The following ADAM12 variants were observed in gnomAD, a reference collection of about 807,000 sequenced individuals.
ADAM12 encodes ADAM metallopeptidase domain 12, also known as disintegrin and metalloproteinase domain-containing protein 12.
In ADAM12, 70 loss-of-function variants were observed where a neutral mutation model predicts 106.4. The observed-to-expected ratio is 0.66, with a 90% CI of 0.54 to 0.80. The LOEUF (loss-of-function observed/expected upper bound fraction) is 0.80, where lower values mean the gene tolerates loss of function less well. Among genes scored for constraint, ADAM12 ranks in the 30% least tolerant of loss-of-function variants. ADAM12 has a pLI of 0.00. For missense variants in ADAM12, 1,010 were observed against 1,171.9 expected (o/e 0.86, Z 2.02); for synonymous variants, 420 against 433.5 (o/e 0.97, Z 0.39).
intron 10 of ADAM12, among the ~76,000 whole-genome samples, chr10:126,096,978 G>A (rs1955569393): frequency 1.3e-5 from 2 of 152,046 alleles, no homozygotes; most frequent in Admixed American, 6.6e-5. Flanking sequence ...TCAAATGCTT[G>A]TATGGAAATG....
At chr10:126,206,854 T>TGGGGG (rs145374984) in intron 3 of ADAM12, among the ~76,000 whole-genome samples, 10 of 81,804 alleles carry the variant, frequency 1.2e-4, no homozygotes, top group East Asian at 6.4e-4. Flanking sequence ...CCATGTGTTG[T>TGGGGG]GGGGGCGGGG....
At chr10:126,018,166 G>A (rs528093683) in intron 22 of ADAM12, among the ~76,000 whole-genome samples, 1 of 152,354 alleles carries the variant, frequency 6.6e-6, no homozygotes, top group East Asian at 1.9e-4. Context: ...AATCACTCCA[G>A]TGTGTCTTCT....
intron 2 of ADAM12, among the ~76,000 whole-genome samples, chr10:126,309,442 A>C (rs1282054233): frequency 6.6e-6 from 1 of 152,232 alleles, no homozygotes; most frequent in East Asian, 1.9e-4. Context: ...TGTAAACAGA[A>C]AACAAATTCC....
At chr10:126,368,665 T>TG (rs1375182432) in intron 1 of ADAM12, among the ~76,000 whole-genome samples, 4 of 147,718 alleles carry the variant, frequency 2.7e-5, no homozygotes, top group Admixed American at 6.8e-5. Context: ...TGTTGTTTTT[T>TG]TTTGCCTTTG....
At chr10:126,252,666 G>C (rs1265618362) in intron 3 of ADAM12, among the ~76,000 whole-genome samples, 1 of 152,072 alleles carries the variant, frequency 6.6e-6, no homozygotes, top group Non-Finnish European at 1.5e-5. Flanking sequence ...ACCCACATTG[G>C]GTTACGGGGG....
intron 11 of ADAM12, among the ~76,000 whole-genome samples, chr10:126,076,539 C>T (rs1360085236): frequency 1.3e-5 from 2 of 152,172 alleles, no homozygotes; most frequent in Non-Finnish European, 2.9e-5. Flanking sequence ...TTATTTCTGA[C>T]TTTTTAATAA....
intron 11 of ADAM12, among the ~76,000 whole-genome samples, chr10:126,083,696 C>A (rs139688763): frequency 1.3e-5 from 2 of 152,196 alleles, no homozygotes; most frequent in African/African-American, 4.8e-5. Flanking sequence ...CCTGTTGAGA[C>A]CCTAATGAGC....
chr10:126,362,352 T>C (rs925450605), intron 1 of ADAM12, among the ~76,000 whole-genome samples: 4 of 152,138 alleles, frequency 2.6e-5, no homozygotes, highest in South Asian at 2.1e-4. Flanking sequence ...TGTAAATTAG[T>C]ATGATGATTA....
intron 3 of ADAM12, among the ~76,000 whole-genome samples, chr10:126,253,436 G>C (rs2279753): frequency 0.072 from 11,023 of 152,214 alleles, 511 homozygotes; most frequent in East Asian, 0.13. Flanking sequence ...TCATTCTCTT[G>C]TTCTCCAGAG....
At chr10:126,054,418 C>T (rs74158098) in intron 14 of ADAM12, among the ~76,000 whole-genome samples, 2,678 of 152,336 alleles carry the variant, frequency 0.018, 81 homozygotes, top group African/African-American at 0.059. Context: ...ACCTGCTCTG[C>T]GACATCCAAA....
chr10:126,242,208 A>G (rs536400054), intron 3 of ADAM12, among the ~76,000 whole-genome samples: 95 of 152,318 alleles, frequency 6.2e-4, no homozygotes, highest in African/African-American at 2.0e-3. Flanking sequence ...TTGGCAGCAG[A>G]TCCTAACACT....
At chr10:126,057,359 G>A (rs1344608083) in intron 14 of ADAM12, among the ~76,000 whole-genome samples, 1 of 131,872 alleles carries the variant, frequency 7.6e-6, no homozygotes, top group Non-Finnish European at 1.6e-5. Flanking sequence ...AAAACTTAGA[G>A]TATAATAAAA....
At chr10:126,211,349 G>A (rs970566616) in intron 3 of ADAM12, among the ~76,000 whole-genome samples, 3 of 152,212 alleles carry the variant, frequency 2.0e-5, no homozygotes, top group African/African-American at 7.2e-5. Flanking sequence ...TCAGCAATTG[G>A]TCCTCAAGAG....
chr10:126,376,231 T>C (rs1405015408), intron 1 of ADAM12, among the ~76,000 whole-genome samples: 1 of 152,138 alleles, frequency 6.6e-6, no homozygotes, highest in Non-Finnish European at 1.5e-5. Flanking sequence ...AGCAAACACC[T>C]ACCTATGATT....
chr10:126,101,995 A>G (rs1955677401), intron 8 of ADAM12, among the ~76,000 whole-genome samples: 1 of 151,954 alleles, frequency 6.6e-6, no homozygotes, highest in South Asian at 2.1e-4. Context: ...GCCTGCCCCC[A>G]CCATCTTTGG....
At chr10:126,072,721 T>C (rs1190402764) in intron 11 of ADAM12, among the ~76,000 whole-genome samples, 1 of 152,154 alleles carries the variant, frequency 6.6e-6, no homozygotes, top group Non-Finnish European at 1.5e-5. Flanking sequence ...TACAAATGCA[T>C]TTTCCCATGT....
At chr10:126,093,325 A>G (rs978572832) in intron 11 of ADAM12, among the ~76,000 whole-genome samples, 4 of 152,210 alleles carry the variant, frequency 2.6e-5, no homozygotes, top group Non-Finnish European at 5.9e-5. Flanking sequence ...GAACACTCCA[A>G]ATAATGGAAC....
intron 3 of ADAM12, chr10:126,272,803 T>A: frequency 1.9e-5 from 7 of 373,822 alleles, no homozygotes; most frequent in South Asian, 1.4e-4. Context: ...CCTCAGGCTA[T>A]GGTCAGCATT....
At chr10:126,335,075 C>T (rs1202435174) in intron 1 of ADAM12, among the ~76,000 whole-genome samples, 1 of 152,218 alleles carries the variant, frequency 6.6e-6, no homozygotes, top group Non-Finnish European at 1.5e-5. Context: ...TCTTAGATAT[C>T]AGAATCCAAG....
Sources: allele counts gnomAD v4.1 joint callset (sites outside exome capture counted in the v4.1 genomes callset), GRCh38; gene constraint gnomAD v4.1.1; transcripts MANE v1.5; gene names NCBI Gene and HGNC (gene_info 2026-07-23, HGNC 2026-07-21).